Variants in RPL22 observed in about 807,000 individuals in gnomAD.
RPL22 encodes the protein large ribosomal subunit protein eL22.
A neutral mutation model predicts 16.2 loss-of-function variants in RPL22; 4 were observed. The ratio of observed to expected loss-of-function variants is 0.25; its 90% CI spans 0.12 to 0.57. The LOEUF is 0.57. Ranked by LOEUF, RPL22 falls within the 20% of genes least tolerant of loss-of-function variation. The pLI, the probability that RPL22 is intolerant of heterozygous loss-of-function variation, is 0.92. For missense variants in RPL22, 83 were observed against 156.1 expected (o/e 0.53, Z 2.49); for synonymous variants, 43 against 54.8 (o/e 0.78, Z 0.95).
At position 6,185,375 on chromosome 1, in the gene RPL22, A is replaced by G; in HGVS notation, c.*1297T>C. ...CTTTCTGTGACGGCAGAGAAGAAAT[A>G]TGCAAGCAATTCTGCTTCAAAGAAA... On this transcript the variant is annotated 3_prime_UTR_variant, in exon 4 of 4. Coordinates refer to ENST00000234875, the MANE Select transcript of RPL22 (RefSeq NM_000983.4). 2 of 399,102 alleles carry G rather than the reference A, an allele frequency of 5.0e-6. No homozygotes were observed. The highest frequency in any genetic ancestry group is 8.8e-6 in the Non-Finnish European group (2 of 226,070). 24.7% of individuals were successfully genotyped at this position (399,102 alleles called of 1,614,324 possible).
intron 3 of RPL22, among the ~76,000 whole-genome samples, chr1:6,191,548 G>A (rs1470110168): frequency 5.3e-5 from 8 of 150,478 alleles, no homozygotes; most frequent in East Asian, 3.9e-4. Flanking sequence ...AGTGGCAGGC[G>A]CCTGTAGTCC....
At chr1:6,196,275 T>A (rs1667717693) in intron 2 of RPL22, among the ~76,000 whole-genome samples, 1 of 151,926 alleles carries the variant, frequency 6.6e-6, no homozygotes, top group African/African-American at 2.4e-5. Context: ...GAGGCAGGAA[T>A]AATGCCAGAA....
chr1:6,197,844 A>AATT, intron 1 of RPL22, 88 bp from the exon 2 acceptor site: 4 of 963,062 alleles, frequency 4.2e-6, no homozygotes, highest in Non-Finnish European at 6.5e-6. Context: ...CATAGGTATA[A>AATT]AAGTCCATAC....
In RPL22 at chr1:6,197,758, T is replaced by G. The variant is rs749060131; in HGVS notation, c.13-2A>C. On this transcript the variant is annotated splice_acceptor_variant, in intron 1 of 3. Transcript: ENST00000234875. LOFTEE classifies it high-confidence loss of function. ...GCCCCCCTTCACCACAAGCTTTTTC[T>G]AAGAAAATACACAAATGATAACAGA... 6 of 1,556,754 alleles carry G rather than the reference T, an allele frequency of 3.9e-6. No homozygotes were observed. The highest frequency in any genetic ancestry group is 5.3e-6 in the Non-Finnish European group (6 of 1,128,570).
chr1:6,199,290 C>T (rs1471353269), intron 1 of RPL22: 1 of 805,102 alleles, frequency 1.2e-6, no homozygotes, highest in Non-Finnish European at 1.7e-6. Context: ...GCCCAGACCG[C>T]AGTCTCCAGG....
intron 1 of RPL22, 82 bp from the exon 2 acceptor site, chr1:6,197,838 G>C (rs1667740532): frequency 1.0e-6 from 1 of 1,001,884 alleles, no homozygotes; most frequent in Non-Finnish European, 1.5e-6. Context: ...AAACGTCATA[G>C]GTATAAAAGT....
chr1:6,196,278 T>C (rs76968273), intron 2 of RPL22, among the ~76,000 whole-genome samples: 21,760 of 151,894 alleles, frequency 0.14, 2,732 homozygotes, highest in African/African-American at 0.33. Context: ...GCAGGAATAA[T>C]GCCAGAACAG....
intron 1 of RPL22, 66 bp downstream of exon 1, chr1:6,199,496 A>G: frequency 6.5e-7 from 1 of 1,542,522 alleles, no homozygotes; most frequent in Non-Finnish European, 8.8e-7. Context: ...GCCTGGGTAG[A>G]TGCCGGGCTC....
At chr1:6,191,702 A>G (rs1667653657) in intron 3 of RPL22, among the ~76,000 whole-genome samples, 3 of 148,900 alleles carry the variant, frequency 2.0e-5, no homozygotes, top group African/African-American at 2.5e-5. Context: ...AAATACAAGA[A>G]TTAGCTGGGT....
chr1:6,199,279 G>C, intron 1 of RPL22: 3 of 691,838 alleles, frequency 4.3e-6, no homozygotes, highest in Non-Finnish European at 6.0e-6. Context: ...ACCAGTGGCC[G>C]GCCCAGACCG....
intron 1 of RPL22, 187 bp downstream of exon 1, chr1:6,199,375 G>A (rs866240255): frequency 3.8e-6 from 5 of 1,328,522 alleles, no homozygotes; most frequent in African/African-American, 1.5e-5. Context: ...CGAGCCTCGG[G>A]CCGCGGCCTC....
At chr1:6,199,504 C>G in intron 1 of RPL22, 58 bp downstream of exon 1, 6 of 1,544,238 alleles carry the variant, frequency 3.9e-6, no homozygotes, top group Non-Finnish European at 5.3e-6. Context: ...AGATGCCGGG[C>G]TCGGCGAGGC....
intron 2 of RPL22, among the ~76,000 whole-genome samples, chr1:6,195,601 A>G (rs1455820479): frequency 6.6e-6 from 1 of 150,986 alleles, no homozygotes; most frequent in African/African-American, 2.4e-5. Flanking sequence ...AAAATACACA[A>G]ATTAGGTGGG....
intron 3 of RPL22, among the ~76,000 whole-genome samples, chr1:6,192,356 T>C (rs1408496937): frequency 6.6e-6 from 1 of 152,140 alleles, no homozygotes; most frequent in East Asian, 1.9e-4. Context: ...CAAGAATATT[T>C]TTGAGAAAAC....
At chr1:6,191,675 C>CAA (rs532667006) in intron 3 of RPL22, among the ~76,000 whole-genome samples, 58 of 69,942 alleles carry the variant, frequency 8.3e-4, no homozygotes, top group African/African-American at 2.9e-3. Flanking sequence ...ACTCTGTCTC[C>CAA]AAAAAAAAAA....
chr1:6,197,042 G>A (rs1396812223), intron 2 of RPL22, among the ~76,000 whole-genome samples: 1 of 152,026 alleles, frequency 6.6e-6, no homozygotes, highest in African/African-American at 2.4e-5. Context: ...TTTTTGTTTT[G>A]TTTTTGAGAC....
chr1:6,189,227 T>A (rs1466231707), intron 3 of RPL22, among the ~76,000 whole-genome samples: 1 of 151,982 alleles, frequency 6.6e-6, no homozygotes, highest in Non-Finnish European at 1.5e-5. Context: ...AACAAAGCAA[T>A]CTCCACACCA....
chr1:6,194,262 A>G (rs749416170), intron 2 of RPL22, among the ~76,000 whole-genome samples: 1 of 152,356 alleles, frequency 6.6e-6, no homozygotes. Context: ...GCTAAAAGCA[A>G]CTTCTGAATC....
chr1:6,199,407 A>C, intron 1 of RPL22, 155 bp downstream of exon 1: 3 of 1,379,018 alleles, frequency 2.2e-6, no homozygotes, highest in Non-Finnish European at 1.9e-6. Flanking sequence ...ACGTGCTGGG[A>C]TCGGCAGGGG....
Sources: allele counts gnomAD v4.1 joint callset (sites outside exome capture counted in the v4.1 genomes callset), GRCh38; gene constraint gnomAD v4.1.1; transcripts MANE v1.5; gene names NCBI Gene and HGNC (gene_info 2026-07-23, HGNC 2026-07-21).